The following DPF3 variants were observed in gnomAD, a reference collection of about 807,000 sequenced individuals.
The protein encoded by DPF3 is double PHD fingers 3.
In DPF3, 18 loss-of-function variants were observed where a neutral mutation model predicts 56.8. The observed-to-expected ratio is 0.32, with a 90% CI of 0.22 to 0.47. The LOEUF is 0.47. DPF3 is among the 20% of genes least tolerant of loss of function. The pLI, the probability that DPF3 is intolerant of heterozygous loss-of-function variation, is 1.00. For synonymous variants in DPF3, 188 were observed against 180.2 expected (o/e 1.04, Z -0.35); for missense variants, 403 against 488.8 (o/e 0.82, Z 1.65).
chr14:72,847,266 A>G (rs577188574), intron 1 of DPF3, among the ~76,000 whole-genome samples: 3 of 152,058 alleles, frequency 2.0e-5, no homozygotes, highest in African/African-American at 4.8e-5. Context: ...CCTCAAACCA[A>G]TCCTATGGGG....
intron 2 of DPF3, among the ~76,000 whole-genome samples, chr14:72,758,843 C>G (rs547776215): frequency 6.6e-6 from 1 of 152,084 alleles, no homozygotes; most frequent in Non-Finnish European, 1.5e-5. Flanking sequence ...TTAAATATGT[C>G]CCAAAACAAT....
chr14:72,715,578 G>A (rs1415431859), intron 5 of DPF3, among the ~76,000 whole-genome samples: 2 of 151,952 alleles, frequency 1.3e-5, no homozygotes, highest in Non-Finnish European at 2.9e-5. Flanking sequence ...TTGGAAAAGT[G>A]GCCATGGGGA....
intron 3 of DPF3, among the ~76,000 whole-genome samples, chr14:72,750,791 CAAAAAAAAA>C (rs35754238): frequency 2.7e-4 from 18 of 65,948 alleles, no homozygotes; most frequent in Middle Eastern, 0.013. Context: ...GAAAGAATCT[CAAAAAAAAA>C]AAAAAAAAAA....
chr14:72,816,586 G>C (rs1394075511), intron 1 of DPF3, among the ~76,000 whole-genome samples: 1 of 151,648 alleles, frequency 6.6e-6, no homozygotes, highest in African/African-American at 2.4e-5. Flanking sequence ...TCATCTGCAG[G>C]ATGGAAAACA....
At chr14:72,752,222 C>A (rs1051018869) in intron 3 of DPF3, among the ~76,000 whole-genome samples, 1 of 152,212 alleles carries the variant, frequency 6.6e-6, no homozygotes, top group African/African-American at 2.4e-5. Context: ...CACTGAACAG[C>A]ACTGTCCCTA....
chr14:72,619,218 G>T lies in DPF3; in HGVS notation c.*79C>A. On this transcript the variant is annotated 3_prime_UTR_variant, in exon 11 of 11. Coordinates refer to ENST00000556509, the MANE Select transcript of DPF3 (RefSeq NM_001280542.3). ...TGCAGTTGGTCTGGCTGGATATGTG[G>T]GAGGAGGGCGCGTTCTGGTTTGAAC... 7.2e-7 allele frequency: 1 copy of T among 1,394,248 alleles called. No homozygotes were observed. Among genetic ancestry groups the T allele is most frequent in the South Asian group, 1.3e-5 (1 of 78,104 alleles). 86.4% of individuals were successfully genotyped at this position (1,394,248 alleles called of 1,614,324 possible).
chr14:72,814,210 A>C (rs1337436101), intron 1 of DPF3, among the ~76,000 whole-genome samples: 2 of 152,038 alleles, frequency 1.3e-5, no homozygotes, highest in Non-Finnish European at 2.9e-5. Flanking sequence ...GCCCTTCCTG[A>C]GTGTCCCTCC....
chr14:72,759,831 C>T (rs1380067461), intron 2 of DPF3, among the ~76,000 whole-genome samples: 1 of 151,848 alleles, frequency 6.6e-6, no homozygotes, highest in Non-Finnish European at 1.5e-5. Flanking sequence ...CTTATCTTTG[C>T]AATGCAAGCA....
At chr14:72,869,615 A>G (rs1404722426) in intron 1 of DPF3, among the ~76,000 whole-genome samples, 1 of 152,102 alleles carries the variant, frequency 6.6e-6, no homozygotes, top group Non-Finnish European at 1.5e-5. Flanking sequence ...CAGTAAGAGC[A>G]TCTCTCTGGG....
chr14:72,785,277 T>G (rs1330581154), intron 1 of DPF3, among the ~76,000 whole-genome samples: 2 of 152,240 alleles, frequency 1.3e-5, no homozygotes, highest in East Asian at 3.8e-4. Flanking sequence ...TTCTAAGCAC[T>G]TTACATGTAT....
At chr14:72,772,492 A>G (rs1482474734) in intron 1 of DPF3, among the ~76,000 whole-genome samples, 1 of 152,240 alleles carries the variant, frequency 6.6e-6, no homozygotes, top group African/African-American at 2.4e-5. Flanking sequence ...TTAAAACCAT[A>G]TTACTTAAAG....
At chr14:72,804,180 G>GGGAC (rs1227326223) in intron 1 of DPF3, among the ~76,000 whole-genome samples, 40 of 133,264 alleles carry the variant, frequency 3.0e-4, no homozygotes, top group African/African-American at 1.1e-3. Flanking sequence ...TGCTTTCCAG[G>GGGAC]ACACACACAC....
chr14:72,863,134 G>A (rs113327597), intron 1 of DPF3, among the ~76,000 whole-genome samples: 23,740 of 90,932 alleles, frequency 0.26, 2,697 homozygotes, highest in South Asian at 0.35. Flanking sequence ...GTGTGTGTGT[G>A]TGTATATATA....
chr14:72,757,946 G>C (rs1456358574), intron 2 of DPF3, among the ~76,000 whole-genome samples: 1 of 151,520 alleles, frequency 6.6e-6, no homozygotes, highest in Non-Finnish European at 1.5e-5. Context: ...TTTTTTTATG[G>C]GGGTATAAGC....
At chr14:72,757,145 G>A (rs1475187835) in intron 2 of DPF3, among the ~76,000 whole-genome samples, 2 of 151,474 alleles carry the variant, frequency 1.3e-5, no homozygotes, top group South Asian at 4.2e-4. Flanking sequence ...TATGGGATAG[G>A]AACAGCAATT....
chr14:72,795,277 C>CA (rs578053636), intron 1 of DPF3, among the ~76,000 whole-genome samples: 10 of 109,538 alleles, frequency 9.1e-5, no homozygotes, highest in Admixed American at 1.0e-4. Flanking sequence ...CTCTTTTTGA[C>CA]AAAAAAAAAA....
intron 3 of DPF3, among the ~76,000 whole-genome samples, chr14:72,736,475 G>A (rs997981124): frequency 2.0e-5 from 3 of 152,138 alleles, no homozygotes; most frequent in Non-Finnish European, 2.9e-5. Flanking sequence ...AATAGCTGCC[G>A]AGTGCCATTC....
intron 1 of DPF3, among the ~76,000 whole-genome samples, chr14:72,778,418 T>C (rs1271872107): frequency 1.3e-5 from 2 of 152,190 alleles, no homozygotes; most frequent in Non-Finnish European, 2.9e-5. Context: ...TGATGATCTG[T>C]CACTGTCTCC....
intron 1 of DPF3, among the ~76,000 whole-genome samples, chr14:72,874,333 G>T (rs889254623): frequency 6.6e-6 from 1 of 151,766 alleles, no homozygotes; most frequent in African/African-American, 2.4e-5. Flanking sequence ...AAAAAAATTA[G>T]CCAGGCATGG....
Sources: allele counts gnomAD v4.1 joint callset (sites outside exome capture counted in the v4.1 genomes callset), GRCh38; gene constraint gnomAD v4.1.1; transcripts MANE v1.5; gene names NCBI Gene and HGNC (gene_info 2026-07-23, HGNC 2026-07-21).